The following WDR88 variants were observed in gnomAD, a reference collection of about 807,000 sequenced individuals.
The protein encoded by WDR88 is WD repeat-containing protein 88.
Under a neutral mutation model 46.8 loss-of-function variants are expected in WDR88, and 40 were observed. That is an observed-to-expected ratio of 0.86 (90% CI 0.66 to 1.11). The LOEUF is 1.11. WDR88 is among the 50% of genes most tolerant of loss of function. The probability of loss-of-function intolerance (pLI) is 0.00; values close to 1 mark genes in which losing one functional copy is unlikely to be tolerated. For missense variants in WDR88, 562 were observed against 602.4 expected (o/e 0.93, Z 0.70); for synonymous variants, 235 against 240.7 (o/e 0.98, Z 0.22).
Position 33,148,897 on chromosome 19 carries a change from T to C in WDR88, c.666T>C (p.Val222=). The C allele has an allele frequency of 6.2e-7, 1 of 1,614,116 alleles. No homozygotes were observed. The highest frequency in any genetic ancestry group is 8.5e-7 in the Non-Finnish European group (1 of 1,180,028). Residue 222 remains valine, a synonymous_variant, in exon 5 of 11, where the codon GTT becomes GTC. Transcript: ENST00000355868. ...TGGACGCCGAGAACATCACCACCGT[T>C]TCCGTCATCAAAGGTGAGGGTGTGC... ...CIMDAENITT[V]SVIKDHHTRS...
At chr19:33,145,368 G>T (rs755901481) in intron 3 of WDR88, among the ~76,000 whole-genome samples, 14 of 151,200 alleles carry the variant, frequency 9.3e-5, no homozygotes, top group Non-Finnish European at 1.8e-4. Flanking sequence ...GCCCAGGCTG[G>T]TCTCAAACTC....
At chr19:33,162,732 A>C (rs1424764982) in intron 8 of WDR88, among the ~76,000 whole-genome samples, 2 of 152,120 alleles carry the variant, frequency 1.3e-5, no homozygotes, top group African/African-American at 4.8e-5. Flanking sequence ...CTATTTTAAA[A>C]AACCATACAC....
At chr19:33,145,054 C>G in intron 3 of WDR88, 122 bp downstream of exon 3, 3 of 918,324 alleles carry the variant, frequency 3.3e-6, no homozygotes, top group Non-Finnish European at 5.1e-6. Flanking sequence ...ACCATGTGGC[C>G]TAAGCTGGTC....
intron 2 of WDR88, among the ~76,000 whole-genome samples, chr19:33,144,119 T>A (rs1349297930): frequency 6.6e-6 from 1 of 152,192 alleles, no homozygotes; most frequent in Admixed American, 6.6e-5. Flanking sequence ...CCACGGACAC[T>A]GATCATTCTG....
chr19:33,168,610 A>G, intron 9 of WDR88, among the ~76,000 whole-genome samples: 1 of 152,294 alleles, frequency 6.6e-6, no homozygotes, highest in Admixed American at 6.5e-5. Flanking sequence ...AAAGAAATTA[A>G]AGAAGACTTG....
intron 7 of WDR88, among the ~76,000 whole-genome samples, chr19:33,157,633 GTA>G (rs1350126111): frequency 1.4e-4 from 19 of 138,988 alleles, no homozygotes; most frequent in African/African-American, 4.9e-4. Context: ...ATATGTATGT[GTA>G]TATATGTGTG....
Position 33,144,754 on chromosome 19 carries a change from TA to T in WDR88, c.388-88del, listed in dbSNP as rs148538721. The T allele has an allele frequency of 6.3e-3, 7,600 of 1,202,094 alleles. 349 individuals carry two copies. The African/African-American group carries it at 0.1, about 16-fold the overall frequency. The allele number at this position is 1,202,094 out of a possible 1,614,324, so 74.5% of individuals were successfully genotyped here. Reference sequence around the variant, plus strand: ...AGTTCTCAGATTTTGCTACCAGAGATAAGCTAAGGGCTAATGTTGACCTCGA... The same window carrying T: ...AGTTCTCAGATTTTGCTACCAGAGATAGCTAAGGGCTAATGTTGACCTCGA... On this transcript the variant is annotated intron_variant, in intron 2 of 10. Transcript: ENST00000355868.
chr19:33,161,659 C>G (rs1292913974), intron 8 of WDR88, among the ~76,000 whole-genome samples: 5 of 152,146 alleles, frequency 3.3e-5, no homozygotes, highest in Non-Finnish European at 5.9e-5. Context: ...TGTTAAACCT[C>G]TCTGTGCTTA....
At position 33,160,394 on chromosome 19, in the gene WDR88, C is replaced by G. The variant is rs776819167; in HGVS notation, c.998-20C>G. 3 of 1,613,860 alleles carry G rather than the reference C, an allele frequency of 1.9e-6. No homozygotes were observed. The highest frequency in any genetic ancestry group is 2.2e-5 in the East Asian group (1 of 44,876). On this transcript the variant is annotated intron_variant, in intron 7 of 10. Coordinates refer to ENST00000355868, the MANE Select transcript of WDR88 (RefSeq NM_173479.4). ...TTGGAAAGTTGACCCCCATCTCCACCCTTTCATTTTCTGTTGCAGGCTCTT... is the reference window on the plus strand; with the variant it reads ...TTGGAAAGTTGACCCCCATCTCCACGCTTTCATTTTCTGTTGCAGGCTCTT...
intron 7 of WDR88, 74 bp from the exon 8 acceptor site, chr19:33,160,340 A>G (rs1973844395): frequency 6.7e-7 from 1 of 1,492,696 alleles, no homozygotes; most frequent in Non-Finnish European, 9.3e-7. Flanking sequence ...TCGCCAAGGC[A>G]TCTTCAGCTG....
chr19:33,138,143 T>G (rs776776790), intron 2 of WDR88, among the ~76,000 whole-genome samples: 1 of 151,858 alleles, frequency 6.6e-6, no homozygotes, highest in Non-Finnish European at 1.5e-5. Flanking sequence ...TTCAAGCCAT[T>G]CTGCTGCCTC....
At chr19:33,157,111 C>G (rs1973749952) in intron 7 of WDR88, among the ~76,000 whole-genome samples, 2 of 151,892 alleles carry the variant, frequency 1.3e-5, no homozygotes, top group South Asian at 2.1e-4. Context: ...GTGGGAGGAT[C>G]ACTTGAGCCC....
intron 9 of WDR88, among the ~76,000 whole-genome samples, chr19:33,171,923 G>A (rs942008291): frequency 5.9e-5 from 9 of 152,102 alleles, no homozygotes; most frequent in Non-Finnish European, 8.8e-5. Context: ...ACAGGTGCAC[G>A]CCACTGTGCC....
In WDR88 at chr19:33,175,312, G is replaced by C. The variant is rs1974104387; in HGVS notation, c.1243-84G>C. The C allele has an allele frequency of 5.8e-6, 8 of 1,390,396 alleles. 1 individual carries two copies. The Middle Eastern group carries it at 1.3e-3, about 222-fold the overall frequency. 86.1% of individuals were successfully genotyped at this position (1,390,396 alleles called of 1,614,324 possible). A position where few individuals can be genotyped will look rare whatever the true frequency, so the allele number is the denominator to read the frequency against. On this transcript the variant is annotated intron_variant, in intron 10 of 10. Transcript: ENST00000355868. ...GAACCCTTGCCTTGCCCCAGCTCAA[G>C]GTAGCTGGGAGAATTCTAATGGCAT... is the stretch of plus-strand genomic sequence containing the variant.
rs571916950 is a variant in WDR88, at chr19:33,156,656, C to T, written c.997+114C>T. 2.1e-4 allele frequency: 257 copies of T among 1,224,706 alleles called. No individual in the cohort carries two copies. The African/African-American group carries it at 3.4e-3, about 16-fold the overall frequency. The allele number at this position is 1,224,706 out of a possible 1,614,324, so 75.9% of individuals were successfully genotyped here. On this transcript the variant is annotated intron_variant, in intron 7 of 10. Transcript: ENST00000355868. Reference sequence around the variant, plus strand: ...TTTCCAATGATGCTGACAGGGAGGGCGGATTCTTCCCCACGAGAACAAAAA... The same window carrying T: ...TTTCCAATGATGCTGACAGGGAGGGTGGATTCTTCCCCACGAGAACAAAAA...
At chr19:33,173,503 G>A (rs1974074656) in intron 10 of WDR88, among the ~76,000 whole-genome samples, 1 of 152,260 alleles carries the variant, frequency 6.6e-6, no homozygotes, top group Non-Finnish European at 1.5e-5. Flanking sequence ...CTGCCTTGGA[G>A]TGCAGGCTGG....
At chr19:33,145,726 G>C (rs911870239) in intron 3 of WDR88, among the ~76,000 whole-genome samples, 1 of 151,728 alleles carries the variant, frequency 6.6e-6, no homozygotes, top group Admixed American at 6.6e-5. Context: ...GTAGAGAGGG[G>C]TTTCACCATG....
At chr19:33,143,586 A>G (rs1250251596) in intron 2 of WDR88, among the ~76,000 whole-genome samples, 8 of 151,282 alleles carry the variant, frequency 5.3e-5, no homozygotes, top group Non-Finnish European at 1.2e-4. Flanking sequence ...CAAGGGGTGC[A>G]GTGAGCCGTG....
At position 33,132,173 on chromosome 19, in the gene WDR88, G is replaced by T; in HGVS notation, c.4G>T (p.Ala2Ser). The change falls in exon 1 of 11, where the codon GCC becomes TCC. Residue 2 changes from alanine to serine, a missense_variant. Coordinates refer to ENST00000355868, the MANE Select transcript of WDR88 (RefSeq NM_173479.4). M[A>S]SPPRCSPTAH... ...CACCGGCGGACCGGGCTTCGAGATG[G>T]CCTCCCCGCCGCGGTGCTCCCCGAC... 1.3e-6 allele frequency: 2 copies of T among 1,588,138 alleles called. No homozygotes were observed. The highest frequency in any genetic ancestry group is 2.2e-5 in the South Asian group (2 of 90,348).
Sources: gnomAD v4.1 joint callset for allele counts (sites outside exome capture counted in the v4.1 genomes callset) on GRCh38, gnomAD v4.1.1 for gene constraint, MANE v1.5 for transcripts, NCBI Gene and HGNC (gene_info 2026-07-23, HGNC 2026-07-21) for gene names.